ISOC1: variants seen among roughly 807,000 people sequenced by gnomAD.
ISOC1 encodes isochorismatase domain-containing protein 1.
In ISOC1, 33 loss-of-function variants were observed where a neutral mutation model predicts 30.0. That is an observed-to-expected ratio of 1.10 (90% CI 0.83 to 1.47). The LOEUF (loss-of-function observed/expected upper bound fraction) is 1.47. ISOC1 is among the 40% of genes most tolerant of loss of function. The pLI, the probability that ISOC1 is intolerant of heterozygous loss-of-function variation, is 0.00. For synonymous variants in ISOC1, 178 were observed against 159.8 expected (o/e 1.11, Z -0.86); for missense variants, 372 against 388.0 (o/e 0.96, Z 0.35).
In ISOC1 at chr5:129,094,970, C is replaced by T. The variant is rs776288659; in HGVS notation, c.204C>T (p.Phe68=). 1.2e-5 allele frequency: 20 copies of T among 1,611,856 alleles called. No homozygotes were observed. Among genetic ancestry groups the T allele is most frequent in the African/African-American group, 2.7e-5 (2 of 74,914 alleles). ...ACCAGATCGACATGCACCGCAAATT[C>T]GTGGTGCAGCTGTTCGCCGAGGAGT... is the stretch of plus-strand genomic sequence containing the variant. ...YGDQIDMHRK[F]VVQLFAEEWG... is the part of the protein sequence containing the mutation. Residue 68 remains phenylalanine (F), a synonymous_variant, in exon 1 of 5, where the codon TTC becomes TTT. Transcript: ENST00000173527.
At chr5:129,095,979 T>C (rs1213261328) in intron 1 of ISOC1, among the ~76,000 whole-genome samples, 2 of 152,250 alleles carry the variant, frequency 1.3e-5, no homozygotes, top group Non-Finnish European at 2.9e-5. Flanking sequence ...AACTGATAAG[T>C]CATTTTTTCA....
At chr5:129,101,338 G>A (rs1412994951) in intron 1 of ISOC1, among the ~76,000 whole-genome samples, 1 of 151,292 alleles carries the variant, frequency 6.6e-6, no homozygotes, top group Admixed American at 6.6e-5. Flanking sequence ...TCTATTAGCA[G>A]TACCAAAATT....
At chr5:129,106,149 C>T (rs1580788693) in intron 3 of ISOC1, among the ~76,000 whole-genome samples, 1 of 152,216 alleles carries the variant, frequency 6.6e-6, no homozygotes, top group East Asian at 1.9e-4. Flanking sequence ...GGCTTTGCAC[C>T]TTTTTTGCTT....
chr5:129,106,162 TC>T (rs1753635607), intron 3 of ISOC1, among the ~76,000 whole-genome samples: 2 of 152,204 alleles, frequency 1.3e-5, no homozygotes, highest in Admixed American at 1.3e-4. Flanking sequence ...TTTTGCTTGT[TC>T]ATCATCATTA....
intron 4 of ISOC1, among the ~76,000 whole-genome samples, chr5:129,112,030 A>C (rs1207917025): frequency 6.6e-6 from 1 of 152,218 alleles, no homozygotes; most frequent in East Asian, 1.9e-4. Context: ...TGTTAATTAT[A>C]GGAAGGACTC....
rs1580788502 is a variant in ISOC1, at chr5:129,105,480, G to A, written c.633+92G>A. The stretch of plus-strand genomic sequence containing the variant: ...AATTTCATATATGGTATGCCAGGTA[G>A]GCAGTAATAATGAGGAAAGGTAGCC... On this transcript the variant is annotated intron_variant, in intron 3 of 4. Coordinates refer to ENST00000173527, the MANE Select transcript of ISOC1 (RefSeq NM_016048.2). 5.6e-6 allele frequency: 6 copies of A among 1,075,816 alleles called. No individual in the cohort carries two copies. The East Asian group carries it at 7.6e-5, about 14-fold the overall frequency. 66.6% of individuals were successfully genotyped at this position (1,075,816 alleles called of 1,614,324 possible). A position where few individuals can be genotyped will look rare whatever the true frequency, so the allele number is the denominator to read the frequency against.
rs773187134 is a variant in ISOC1 at position 129,094,895 on chromosome 5, C to T, written c.129C>T (p.His43=). Residue 43 remains histidine (H), a synonymous_variant, in exon 1 of 5, where the codon CAC becomes CAT. Transcript: ENST00000173527. ...TCGCGCGACCCTCGTCGGTGCCACA[C>T]GGGGCGGGCTACGAGCTGCTCATCC... ...SVFARPSSVP[H]GAGYELLIQK... 54 of 1,610,066 alleles carry T rather than the reference C, an allele frequency of 3.4e-5. No homozygotes were observed. The highest frequency in any genetic ancestry group is 4.2e-5 in the Non-Finnish European group (50 of 1,179,198).
chr5:129,112,742 C>A lies in ISOC1; in HGVS notation c.751-113C>A. 15 of 1,174,358 alleles carry A rather than the reference C, an allele frequency of 1.3e-5. No individual in the cohort carries two copies. The East Asian group carries it at 1.5e-4, about 12-fold the overall frequency. The allele number at this position is 1,174,358 out of a possible 1,614,324, so 72.7% of individuals were successfully genotyped here. ...CTGAACTTGATGGTATGGCTGGGAA[C>A]CACGGTTTCAGTAGAGGACACTAAT... On this transcript the variant is annotated intron_variant, in intron 4 of 4. Coordinates refer to ENST00000173527, the MANE Select transcript of ISOC1 (RefSeq NM_016048.2).
intron 1 of ISOC1, 58 bp downstream of exon 1, chr5:129,095,133 C>T (rs1161685624): frequency 6.9e-7 from 1 of 1,447,078 alleles, no homozygotes; most frequent in South Asian, 1.4e-5. Flanking sequence ...CGTCCCCGTC[C>T]CTGTCCCCGC....
At chr5:129,110,271 T>C (rs916034616) in intron 4 of ISOC1, among the ~76,000 whole-genome samples, 1 of 152,194 alleles carries the variant, frequency 6.6e-6, no homozygotes, top group Admixed American at 6.5e-5. Flanking sequence ...CTAATGCACA[T>C]GTACCTGTGT....
At chr5:129,105,465 A>G (rs571306190) in intron 3 of ISOC1, 77 bp downstream of exon 3, 20 of 1,228,758 alleles carry the variant, frequency 1.6e-5, no homozygotes, top group Admixed American at 1.6e-4. Context: ...AATTTCATAT[A>G]TGGTATGCCA....
In ISOC1 at chr5:129,112,907, A is replaced by G. The variant is rs758981680; in HGVS notation, c.803A>G (p.Gln268Arg). Residue 268 changes from glutamine to arginine, a missense_variant, in exon 5 of 5, where the codon CAG (glutamine) becomes CGG (arginine). Physicochemically the swap from Gln to Arg is conservative, Grantham distance 43. Transcript: ENST00000173527. ...IVTTSEAVLL[Q>R]LVADKDHPKF... ...ACCACGAGTGAGGCTGTTCTGCTTC[A>G]GCTGGTAGCTGATAAGGACCATCCA... is the stretch of plus-strand genomic sequence containing the variant. 6.8e-6 allele frequency: 11 copies of G among 1,613,874 alleles called. No homozygotes were observed. The highest frequency in any genetic ancestry group is 3.3e-5 in the Admixed American group (2 of 60,008).
At chr5:129,112,814 T>C (rs775429529) in intron 4 of ISOC1, 41 bp from the exon 5 acceptor site, 1 of 1,601,232 alleles carries the variant, frequency 6.2e-7, no homozygotes, top group Non-Finnish European at 8.5e-7. Flanking sequence ...GTGTTCATTC[T>C]CATGCTTATT....
chr5:129,095,129 CGTCCCT>C (rs1038168367), intron 1 of ISOC1, 54 bp downstream of exon 1: 75 of 1,458,642 alleles, frequency 5.1e-5, no homozygotes, highest in Non-Finnish European at 6.2e-5. Context: ...TCCCCGTCCC[CGTCCCT>C]GTCCCCGCCT....
At chr5:129,105,438 C>A in intron 3 of ISOC1, 50 bp downstream of exon 3, 2 of 1,479,022 alleles carry the variant, frequency 1.4e-6, no homozygotes, top group Non-Finnish European at 1.9e-6. Flanking sequence ...ATAGAAAACT[C>A]AATATTTGTG....
At chr5:129,112,534 C>T (rs1306123037) in intron 4 of ISOC1, among the ~76,000 whole-genome samples, 6 of 152,108 alleles carry the variant, frequency 3.9e-5, no homozygotes, top group Admixed American at 3.9e-4. Context: ...AACAACCATT[C>T]CTTTTCTCTC....
intron 1 of ISOC1, among the ~76,000 whole-genome samples, chr5:129,100,704 G>A (rs72783111): frequency 0.011 from 1,598 of 152,054 alleles, 7 homozygotes; most frequent in Non-Finnish European, 0.018. Context: ...AGAACTTCAT[G>A]AGTCAAAGTA....
At chr5:129,108,123 C>A (rs1243194582) in intron 4 of ISOC1, among the ~76,000 whole-genome samples, 1 of 152,176 alleles carries the variant, frequency 6.6e-6, no homozygotes. Flanking sequence ...TTGAGACCCT[C>A]CAGTGTTCTA....
In ISOC1 at chr5:129,113,494, T is replaced by TA. The variant is rs1753737235; in HGVS notation, c.*494dup. 1 of 152,886 alleles carries TA rather than the reference T, an allele frequency of 6.5e-6. No homozygotes were observed. The highest frequency in any genetic ancestry group is 2.4e-5 in the African/African-American group (1 of 41,468). 9.5% of individuals were successfully genotyped at this position (152,886 alleles called of 1,614,324 possible). A position where few individuals can be genotyped will look rare whatever the true frequency, so the allele number is the denominator to read the frequency against. ...TTACCCACAGGACTCTGAATCATGTTACCCACTCCCCTCACAATGTTGTCC... is the reference window on the plus strand; with the variant it reads ...TTACCCACAGGACTCTGAATCATGTTAACCCACTCCCCTCACAATGTTGTCC... On this transcript the variant is annotated 3_prime_UTR_variant, in exon 5 of 5. Coordinates refer to ENST00000173527, the MANE Select transcript of ISOC1 (RefSeq NM_016048.2).
Sources: allele counts gnomAD v4.1 joint callset (sites outside exome capture counted in the v4.1 genomes callset), GRCh38; gene constraint gnomAD v4.1.1; transcripts MANE v1.5; gene names NCBI Gene and HGNC (gene_info 2026-07-23, HGNC 2026-07-21).